Variants in IMPG2 observed in about 807,000 individuals in gnomAD.
IMPG2 encodes the protein IPM 200.
Under a neutral mutation model 129.2 loss-of-function variants are expected in IMPG2, and 91 were observed. That is an observed-to-expected ratio of 0.70 (90% CI 0.59 to 0.84). The LOEUF (loss-of-function observed/expected upper bound fraction) is 0.84. IMPG2 is among the 40% of genes least tolerant of loss of function. The probability of loss-of-function intolerance (pLI) is 0.00; values close to 1 mark genes in which losing one functional copy is unlikely to be tolerated. For missense variants in IMPG2, 1,430 were observed against 1,461.7 expected (o/e 0.98, Z 0.35); for synonymous variants, 510 against 517.7 (o/e 0.99, Z 0.20).
chr3:101,259,673 T>C lies in IMPG2; in HGVS notation c.909-1900A>G, dbSNP rs1173673707. Reference sequence around the variant, plus strand: ...TATCAACATAATAAGGATGATATCATAGAGTCTAGGAAAAAAGATATTAGT... The same window carrying C: ...TATCAACATAATAAGGATGATATCACAGAGTCTAGGAAAAAAGATATTAGT... On this transcript the variant is annotated intron_variant, in intron 9 of 18. Transcript: ENST00000193391. 3.3e-5 allele frequency among the ~76,000 whole-genome samples: 5 copies of C among 151,978 alleles called. No homozygotes were observed. In the East Asian group the frequency reaches 7.7e-4, roughly 24 times the overall value.
intron 4 of IMPG2, among the ~76,000 whole-genome samples, chr3:101,291,013 T>C (rs1301616030): frequency 6.6e-6 from 1 of 152,174 alleles, no homozygotes; most frequent in Non-Finnish European, 1.5e-5. Flanking sequence ...CGACCTTAGC[T>C]CTAAGCCCAC....
chr3:101,230,715 C>G (rs1706275889), intron 16 of IMPG2, among the ~76,000 whole-genome samples: 1 of 152,218 alleles, frequency 6.6e-6, no homozygotes, highest in African/African-American at 2.4e-5. Context: ...ACTTTTAAGA[C>G]TCTTTCCCCA....
intron 11 of IMPG2, 64 bp downstream of exon 11, chr3:101,253,631 GC>G: frequency 9.6e-7 from 1 of 1,038,966 alleles, no homozygotes; most frequent in Non-Finnish European, 1.5e-6. Flanking sequence ...GCCAAAGTAA[GC>G]AGGTGCAGGA....
intron 3 of IMPG2, among the ~76,000 whole-genome samples, chr3:101,295,575 GT>G (rs1303546832): frequency 1.3e-5 from 2 of 151,218 alleles, no homozygotes; most frequent in African/African-American, 2.4e-5. Context: ...TTTTTAAGTA[GT>G]TTTTTCTAAT....
chr3:101,319,838 G>A lies in IMPG2; in HGVS notation c.86-6C>T, dbSNP rs2058802875. On this transcript the variant is annotated splice_polypyrimidine_tract_variant and splice_region_variant and intron_variant, in intron 1 of 18. Coordinates refer to ENST00000193391, the MANE Select transcript of IMPG2 (RefSeq NM_016247.4). ...TATAGATAAGTAGGTTTGTGCTACA[G>A]AGTGAAAGTATAGTCAAGTCTTCGA... The A allele has an allele frequency of 1.2e-6, 2 of 1,610,134 alleles. No individual in the cohort carries two copies. The highest frequency in any genetic ancestry group is 8.5e-7 in the Non-Finnish European group (1 of 1,179,232).
intron 14 of IMPG2, among the ~76,000 whole-genome samples, chr3:101,242,051 A>C (rs6441594): frequency 0.8 from 121,636 of 151,744 alleles, 48,784 homozygotes; most frequent in Admixed American, 0.83. Context: ...AAAAAAAATT[A>C]TCAGGTTTCC....
chr3:101,276,551 A>C (rs888579752), intron 5 of IMPG2, 113 bp downstream of exon 5: 3 of 732,960 alleles, frequency 4.1e-6, no homozygotes, highest in African/African-American at 3.6e-5. Flanking sequence ...GTATTAAAAA[A>C]GAGAAATCTG....
Position 101,244,381 on chromosome 3 carries a change from A to G in IMPG2, c.1950T>C (p.Val650=). The change falls in exon 13 of 19, where the codon GTT becomes GTC. Residue 650 remains valine (V), a synonymous_variant. Transcript: ENST00000193391. ...CTGTGGAATCCATTTTGTCAACTAA[A>G]ACTAGTTTCTTGTCTTCAATCTCAG... ...LPAEIEDKKL[V]LVDKMDSTDQ... is the part of the protein sequence containing the mutation. 1 of 1,614,088 alleles carries G rather than the reference A, an allele frequency of 6.2e-7. No individual in the cohort carries two copies. The highest frequency in any genetic ancestry group is 2.2e-5 in the East Asian group (1 of 44,878).
intron 2 of IMPG2, among the ~76,000 whole-genome samples, chr3:101,311,213 AC>A (rs572287315): frequency 2.7e-4 from 41 of 152,114 alleles, no homozygotes; most frequent in Admixed American, 7.9e-4. Flanking sequence ...AGTGGTTCTA[AC>A]CAGGGCAATT....
At chr3:101,261,871 C>T (rs1021253867) in intron 9 of IMPG2, among the ~76,000 whole-genome samples, 4 of 152,082 alleles carry the variant, frequency 2.6e-5, no homozygotes, top group African/African-American at 9.7e-5. Context: ...TTGAAGAAAG[C>T]TGTGCTGGCT....
intron 4 of IMPG2, among the ~76,000 whole-genome samples, chr3:101,278,267 C>G (rs1373629676): frequency 6.6e-6 from 1 of 152,082 alleles, no homozygotes. Flanking sequence ...CTCTTCAATG[C>G]TACCAAGTCA....
chr3:101,302,973 G>T (rs1184040289), intron 3 of IMPG2, among the ~76,000 whole-genome samples: 2 of 151,952 alleles, frequency 1.3e-5, no homozygotes, highest in Non-Finnish European at 2.9e-5. Flanking sequence ...AATGTTAAAA[G>T]AATATAATTC....
rs1031016335 is a variant in IMPG2, at chr3:101,319,385, G to GA, written c.334+198dup. 7.3e-5 allele frequency among the ~76,000 whole-genome samples: 11 copies of GA among 151,548 alleles called. No homozygotes were observed. The South Asian group carries it at 1.0e-3, about 14-fold the overall frequency. On this transcript the variant is annotated intron_variant, in intron 2 of 18. Coordinates refer to ENST00000193391, the MANE Select transcript of IMPG2 (RefSeq NM_016247.4). ...TTATTGCCTTAACTGGAGGGCACTG[G>GA]AAAAAAAACAAACCTCCTCTCTTAA...
At chr3:101,267,154 GA>G (rs374177938) in intron 9 of IMPG2, among the ~76,000 whole-genome samples, 1 of 151,536 alleles carries the variant, frequency 6.6e-6, no homozygotes, top group Non-Finnish European at 1.5e-5. Flanking sequence ...TTTAATAGTT[GA>G]AAAAAATCAA....
At chr3:101,274,883 G>T (rs957655497) in intron 6 of IMPG2, among the ~76,000 whole-genome samples, 3 of 151,928 alleles carry the variant, frequency 2.0e-5, no homozygotes, top group African/African-American at 7.3e-5. Flanking sequence ...GTATTGATTC[G>T]GGTATCCACT....
At chr3:101,269,888 T>C (rs559050817) in intron 7 of IMPG2, among the ~76,000 whole-genome samples, 1 of 151,756 alleles carries the variant, frequency 6.6e-6, no homozygotes, top group East Asian at 1.9e-4. Flanking sequence ...AAAAATTGTT[T>C]CAAAAGAAGC....
chr3:101,301,969 G>A (rs1432250305), intron 3 of IMPG2, among the ~76,000 whole-genome samples: 4 of 152,270 alleles, frequency 2.6e-5, no homozygotes, highest in Middle Eastern at 3.4e-3. Context: ...ATCCAAGCTT[G>A]TTCAGTTATC....
chr3:101,280,958 A>T (rs1706887295), intron 4 of IMPG2, among the ~76,000 whole-genome samples: 1 of 150,928 alleles, frequency 6.6e-6, no homozygotes, highest in South Asian at 2.1e-4. Context: ...AAAAAAAAAA[A>T]TTATATATAT....
chr3:101,260,287 T>C (rs571191159), intron 9 of IMPG2, among the ~76,000 whole-genome samples: 1 of 152,170 alleles, frequency 6.6e-6, no homozygotes, highest in South Asian at 2.1e-4. Flanking sequence ...AACTGAGCAC[T>C]TTGACACCCT....
Sources: allele counts gnomAD v4.1 joint callset (sites outside exome capture counted in the v4.1 genomes callset), GRCh38; gene constraint gnomAD v4.1.1; transcripts MANE v1.5; gene names NCBI Gene and HGNC (gene_info 2026-07-23, HGNC 2026-07-21).